Variants in TENT2 observed in about 807,000 individuals in gnomAD.
TENT2 encodes terminal nucleotidyltransferase 2.
Under a neutral mutation model 72.2 loss-of-function variants are expected in TENT2, and 44 were observed. The observed-to-expected ratio is 0.61, with a 90% confidence interval of 0.48 to 0.78. The LOEUF (loss-of-function observed/expected upper bound fraction) is 0.78, where lower values mean the gene tolerates loss of function less well. Ranked by LOEUF, TENT2 falls within the 30% of genes least tolerant of loss-of-function variation. The pLI is 0.00. For missense variants in TENT2, 541 were observed against 569.6 expected, an observed-to-expected ratio of 0.95 and a Z score of 0.51; for synonymous variants, 212 against 192.5, an observed-to-expected ratio of 1.10 and a Z score of -0.84.
chr5:79,614,832 T>A (rs1758304197), intron 1 of TENT2, among the ~76,000 whole-genome samples: 2 of 152,236 alleles, frequency 1.3e-5, no homozygotes, highest in Admixed American at 6.5e-5. Context: ...ATAATTGTTT[T>A]GATGTCATTT....
At chr5:79,613,400 AAC>A (rs1461660916) in intron 1 of TENT2, among the ~76,000 whole-genome samples, 1 of 152,238 alleles carries the variant, frequency 6.6e-6, no homozygotes, top group Non-Finnish European at 1.5e-5. Flanking sequence ...CAAGCTAAAT[AAC>A]ACATGTGCAG....
At chr5:79,645,029 A>T (rs150335244) in intron 7 of TENT2, 94 bp from the exon 8 acceptor site, 1 of 928,460 alleles carries the variant, frequency 1.1e-6, no homozygotes, top group African/African-American at 1.7e-5. Context: ...AAATTATTTT[A>T]GCTTAGTAAA....
At chr5:79,684,718 A>G (rs1332891346) in intron 14 of TENT2, among the ~76,000 whole-genome samples, 1 of 152,250 alleles carries the variant, frequency 6.6e-6, no homozygotes, top group East Asian at 1.9e-4. Flanking sequence ...TGTCAGTTGT[A>G]TCTTTCAGTA....
At chr5:79,631,697 T>G (rs573266789) in intron 4 of TENT2, among the ~76,000 whole-genome samples, 3 of 152,030 alleles carry the variant, frequency 2.0e-5, no homozygotes, top group Non-Finnish European at 4.4e-5. Context: ...TTTGGTAAGG[T>G]GGGAGAAACT....
rs758615411 is a variant in TENT2, at chr5:79,669,066, G to A, written c.1208+38G>A. 4 of 1,461,540 alleles carry A rather than the reference G, an allele frequency of 2.7e-6. No individual in the cohort carries two copies. Among genetic ancestry groups the A allele is most frequent in the South Asian group, 1.2e-5 (1 of 82,196 alleles). 90.5% of individuals were successfully genotyped at this position (1,461,540 alleles called of 1,614,324 possible). A position where few individuals can be genotyped will look rare whatever the true frequency, so the allele number is the denominator to read the frequency against. ...TTAAATTGTGTTTGTTCACTTATAT[G>A]TGTGTGTGTGTGTATGTATGTATAT... On this transcript the variant is annotated intron_variant, in intron 12 of 14. Transcript: ENST00000453514.
At chr5:79,643,360 ATTAC>A (rs1479035926) in intron 7 of TENT2, among the ~76,000 whole-genome samples, 3 of 152,236 alleles carry the variant, frequency 2.0e-5, no homozygotes, top group African/African-American at 7.2e-5. Flanking sequence ...ACCTAAATGT[ATTAC>A]TTCAACAGAA....
chr5:79,651,363 T>G, intron 10 of TENT2, among the ~76,000 whole-genome samples: 1 of 151,890 alleles, frequency 6.6e-6, no homozygotes, highest in Non-Finnish European at 1.5e-5. Flanking sequence ...TACATGATTC[T>G]CAGACTTTTA....
chr5:79,634,544 G>T (rs1778533619), intron 4 of TENT2, among the ~76,000 whole-genome samples: 1 of 151,960 alleles, frequency 6.6e-6, no homozygotes, highest in Non-Finnish European at 1.5e-5. Context: ...TCATCATCTT[G>T]GTCAGGCTGG....
intron 12 of TENT2, among the ~76,000 whole-genome samples, chr5:79,671,320 A>G (rs891348738): frequency 6.6e-6 from 1 of 152,198 alleles, no homozygotes; most frequent in Non-Finnish European, 1.5e-5. Flanking sequence ...TAGAAGCTGT[A>G]TAAAAGAATT....
intron 1 of TENT2, among the ~76,000 whole-genome samples, 192 bp from the exon 2 acceptor site, chr5:79,619,420 T>G (rs977993977): frequency 6.6e-6 from 1 of 152,216 alleles, no homozygotes; most frequent in Non-Finnish European, 1.5e-5. Flanking sequence ...TGAATTATGT[T>G]AATCTTAGAT....
intron 6 of TENT2, among the ~76,000 whole-genome samples, chr5:79,642,439 C>A (rs1313823681): frequency 6.6e-6 from 1 of 152,054 alleles, no homozygotes; most frequent in African/African-American, 2.4e-5. Flanking sequence ...ATAGCTTTTA[C>A]ACAAACTGAG....
At chr5:79,631,974 C>T (rs1255545027) in intron 4 of TENT2, among the ~76,000 whole-genome samples, 2 of 152,086 alleles carry the variant, frequency 1.3e-5, no homozygotes, top group East Asian at 1.9e-4. Context: ...GGCATCTTCC[C>T]GTTTTCTCTC....
intron 11 of TENT2, among the ~76,000 whole-genome samples, chr5:79,659,182 C>G (rs1029336621): frequency 6.6e-6 from 1 of 151,820 alleles, no homozygotes; most frequent in Non-Finnish European, 1.5e-5. Flanking sequence ...GGCTGGTCAG[C>G]AGAACACATT....
chr5:79,668,911 T>C lies in TENT2; in HGVS notation c.1091T>C (p.Ile364Thr), dbSNP rs1189869170. The change falls in exon 12 of 15, where the codon ATA becomes ACA. Residue 364 changes from isoleucine to threonine, a missense_variant. Physicochemically the swap from Ile to Thr is moderately conservative, Grantham distance 89. Transcript: ENST00000453514. ...TGACAGGAGTCTTTTAGTCCTGCTA[T>C]ACAGCTGCACCTTGTACATCAAGCT... ...KIYPESFSPA[I>T]QLHLVHQAPC... 1.9e-6 allele frequency: 3 copies of C among 1,612,838 alleles called. No homozygotes were observed. Among genetic ancestry groups the C allele is most frequent in the Middle Eastern group, 1.6e-4 (1 of 6,074 alleles).
chr5:79,670,628 G>A (rs1157161216), intron 12 of TENT2, among the ~76,000 whole-genome samples: 1 of 151,762 alleles, frequency 6.6e-6, no homozygotes, highest in African/African-American at 2.4e-5. Flanking sequence ...CGGCCACGGA[G>A]CTTTCATTTA....
chr5:79,659,478 G>C (rs915047392), intron 11 of TENT2, among the ~76,000 whole-genome samples: 5 of 132,544 alleles, frequency 3.8e-5, no homozygotes, highest in African/African-American at 1.5e-4. Flanking sequence ...GTTGCAGTGA[G>C]CCCAGATTGC....
intron 10 of TENT2, among the ~76,000 whole-genome samples, chr5:79,651,351 A>G (rs892656668): frequency 1.3e-5 from 2 of 151,958 alleles, no homozygotes; most frequent in Non-Finnish European, 2.9e-5. Context: ...TTACCTGTTC[A>G]TTACATGATT....
At position 79,687,247 on chromosome 5, in the gene TENT2, A is replaced by C. The variant is rs1826321667; in HGVS notation, c.*1974A>C. On this transcript the variant is annotated 3_prime_UTR_variant, in exon 15 of 15. Coordinates refer to ENST00000453514, the MANE Select transcript of TENT2 (RefSeq NM_001114394.3). ...GCACACATAACTGGCCAAATATCAG[A>C]TAAGTGAACTGTTAATATATGAGAG... is the stretch of plus-strand genomic sequence containing the variant. Among the ~76,000 whole-genome samples, 1 of 152,212 alleles carries C rather than the reference A, an allele frequency of 6.6e-6. No individual in the cohort carries two copies. Among genetic ancestry groups the C allele is most frequent in the Non-Finnish European group, 1.5e-5 (1 of 68,032 alleles).
chr5:79,641,619 A>G (rs1784534443), intron 6 of TENT2, among the ~76,000 whole-genome samples: 1 of 151,900 alleles, frequency 6.6e-6, no homozygotes, highest in South Asian at 2.1e-4. Flanking sequence ...AATGCTTATT[A>G]AGGGAAAATA....
Sources: gnomAD v4.1 joint callset for allele counts (sites outside exome capture counted in the v4.1 genomes callset) on GRCh38, gnomAD v4.1.1 for gene constraint, MANE v1.5 for transcripts, NCBI Gene and HGNC (gene_info 2026-07-23, HGNC 2026-07-21) for gene names.